Variants in DPP10 observed in about 807,000 individuals in gnomAD.
DPP10 encodes inactive dipeptidyl peptidase 10.
Under a neutral mutation model 120.9 loss-of-function variants are expected in DPP10, and 33 were observed. The observed-to-expected ratio is 0.27, with a 90% CI of 0.21 to 0.37. The LOEUF (loss-of-function observed/expected upper bound fraction) is 0.37, where lower values mean the gene tolerates loss of function less well. Ranked by LOEUF, DPP10 falls within the 10% of genes least tolerant of loss-of-function variation. The probability of loss-of-function intolerance (pLI) is 1.00; values close to 1 mark genes in which losing one functional copy is unlikely to be tolerated. For synonymous variants in DPP10, 337 were observed against 326.1 expected (o/e 1.03, Z -0.36); for missense variants, 816 against 942.8 (o/e 0.87, Z 1.76).
At chr2:115,467,979 T>C (rs140738798) in intron 3 of DPP10, 6 of 264,620 alleles carry the variant, frequency 2.3e-5, no homozygotes, top group African/African-American at 6.7e-5. Context: ...CCTAAGGAAA[T>C]TGAGCTTTCT....
At chr2:115,602,343 A>G (rs1453491000) in intron 5 of DPP10, among the ~76,000 whole-genome samples, 4 of 152,208 alleles carry the variant, frequency 2.6e-5, no homozygotes, top group African/African-American at 9.6e-5. Context: ...GCTCGAACAC[A>G]TTTCCAAAGT....
intron 1 of DPP10, among the ~76,000 whole-genome samples, chr2:114,941,213 T>C (rs1025719727): frequency 2.6e-5 from 4 of 152,256 alleles, no homozygotes; most frequent in Non-Finnish European, 5.9e-5. Context: ...AAATAATGCA[T>C]AGACACTATT....
intron 7 of DPP10, among the ~76,000 whole-genome samples, chr2:115,705,829 C>G (rs1414844757): frequency 6.6e-6 from 1 of 151,856 alleles, no homozygotes; most frequent in Admixed American, 6.6e-5. Flanking sequence ...ATCTCCCTTA[C>G]CACATTGTAG....
intron 1 of DPP10, among the ~76,000 whole-genome samples, chr2:115,125,978 T>C (rs1054245440): frequency 2.0e-5 from 3 of 152,252 alleles, no homozygotes; most frequent in Non-Finnish European, 4.4e-5. Flanking sequence ...TGAGATCGTG[T>C]ATATATTTCC....
At chr2:114,744,717 A>C (rs1678403328) in intron 1 of DPP10, among the ~76,000 whole-genome samples, 1 of 152,138 alleles carries the variant, frequency 6.6e-6, no homozygotes, top group African/African-American at 2.4e-5. Context: ...TTTGCACTAT[A>C]AGGGCAGAGA....
chr2:115,140,430 C>A (rs77394697), intron 1 of DPP10, among the ~76,000 whole-genome samples: 3 of 152,148 alleles, frequency 2.0e-5, no homozygotes, highest in Non-Finnish European at 4.4e-5. Flanking sequence ...AACAAAGAGG[C>A]GAGATCAATC....
At chr2:115,367,803 ATATC>A (rs780448756) in intron 3 of DPP10, among the ~76,000 whole-genome samples, 17 of 152,128 alleles carry the variant, frequency 1.1e-4, no homozygotes, top group African/African-American at 2.4e-4. Flanking sequence ...ATTCTATACT[ATATC>A]TAATAAAACT....
At chr2:114,517,993 T>C (rs1349952385) in intron 1 of DPP10, among the ~76,000 whole-genome samples, 1 of 152,050 alleles carries the variant, frequency 6.6e-6, no homozygotes, top group Non-Finnish European at 1.5e-5. Flanking sequence ...CCTCAACATA[T>C]TGTTTAAAAA....
At chr2:115,680,103 A>G (rs1452350556) in intron 5 of DPP10, among the ~76,000 whole-genome samples, 2 of 152,030 alleles carry the variant, frequency 1.3e-5, no homozygotes, top group Non-Finnish European at 2.9e-5. Context: ...ATCACATTGT[A>G]TTCCCCAAAA....
intron 1 of DPP10, among the ~76,000 whole-genome samples, chr2:115,241,990 G>T (rs1418333757): frequency 6.6e-6 from 1 of 152,086 alleles, no homozygotes; most frequent in East Asian, 1.9e-4. Flanking sequence ...ATAGTTGTTT[G>T]GTGGTACAGT....
At chr2:115,378,408 C>T (rs1402657935) in intron 3 of DPP10, among the ~76,000 whole-genome samples, 2 of 151,214 alleles carry the variant, frequency 1.3e-5, no homozygotes, top group Non-Finnish European at 2.9e-5. Context: ...GATTTTGTGT[C>T]CTGAGACTTT....
At chr2:115,840,311 G>GTTTGTT (rs1689961762) in intron 24 of DPP10, among the ~76,000 whole-genome samples, 1 of 33,242 alleles carries the variant, frequency 3.0e-5, no homozygotes. Flanking sequence ...CAGATATAAG[G>GTTTGTT]TTTTTTGGTT....
intron 1 of DPP10, among the ~76,000 whole-genome samples, chr2:114,985,685 G>A (rs752538420): frequency 1.3e-5 from 2 of 152,288 alleles, no homozygotes; most frequent in South Asian, 2.1e-4. Context: ...AAGGCTGGAC[G>A]CAGTCACATT....
At chr2:114,619,650 T>C (rs1205335396) in intron 1 of DPP10, among the ~76,000 whole-genome samples, 1 of 152,036 alleles carries the variant, frequency 6.6e-6, no homozygotes, top group African/African-American at 2.4e-5. Flanking sequence ...TAAGCATTGA[T>C]GGCAGCATAT....
At chr2:114,852,579 C>T (rs542656676) in intron 1 of DPP10, among the ~76,000 whole-genome samples, 1 of 150,948 alleles carries the variant, frequency 6.6e-6, no homozygotes. Context: ...AATACGATAC[C>T]ATTTCATATC....
At chr2:115,527,316 T>C (rs1420749219) in intron 5 of DPP10, among the ~76,000 whole-genome samples, 1 of 151,856 alleles carries the variant, frequency 6.6e-6, no homozygotes, top group Non-Finnish European at 1.5e-5. Context: ...CAGATATCCA[T>C]AGGCAAAAAA....
At chr2:115,805,685 C>G (rs1255514042) in intron 19 of DPP10, among the ~76,000 whole-genome samples, 1 of 151,762 alleles carries the variant, frequency 6.6e-6, no homozygotes, top group Non-Finnish European at 1.5e-5. Flanking sequence ...AGCTATTCTC[C>G]TGCTTCAGCC....
At position 114,986,982 on chromosome 2, in the gene DPP10, G is replaced by A. The variant is rs13391284; in HGVS notation, c.61-322257G>A. Among the ~76,000 whole-genome samples, 603 of 152,070 alleles carry A rather than the reference G, an allele frequency of 4.0e-3. 1 individual carries two copies. The highest frequency in any genetic ancestry group is 0.014 in the African/African-American group (590 of 41,448). Reference sequence around the variant, plus strand: ...TTTAGTAAAGATGTGGTTTCACTATGTTGGCCAGGCTTGTCTCGAACTCCT... The same window carrying A: ...TTTAGTAAAGATGTGGTTTCACTATATTGGCCAGGCTTGTCTCGAACTCCT... On this transcript the variant is annotated intron_variant, in intron 1 of 25. Transcript: ENST00000410059.
In DPP10 at chr2:115,293,891, T is replaced by C. The variant is rs1433552364; in HGVS notation, c.61-15348T>C. ...AAACTAAGGCTATAAAGAAGTACTT[T>C]GTTTTTGATACTCATTGTCTTCCCT... is the stretch of plus-strand genomic sequence containing the variant. On this transcript the variant is annotated intron_variant, in intron 1 of 25. Transcript: ENST00000410059. 2.6e-5 allele frequency among the ~76,000 whole-genome samples: 4 copies of C among 152,068 alleles called. No individual in the cohort carries two copies. The East Asian group carries it at 7.7e-4, about 29-fold the overall frequency.
Sources: allele counts gnomAD v4.1 joint callset (sites outside exome capture counted in the v4.1 genomes callset), GRCh38; gene constraint gnomAD v4.1.1; transcripts MANE v1.5; gene names NCBI Gene and HGNC (gene_info 2026-07-23, HGNC 2026-07-21).